The following NRXN3 variants were observed in gnomAD, a reference collection of about 807,000 sequenced individuals.
The protein encoded by NRXN3 is neurexin III.
Under a neutral mutation model 137.6 loss-of-function variants are expected in NRXN3, and 32 were observed. That is an observed-to-expected ratio of 0.23 (90% CI 0.18 to 0.31). The LOEUF (loss-of-function observed/expected upper bound fraction) is 0.31. NRXN3 is among the 10% of genes least tolerant of loss of function. The probability of loss-of-function intolerance (pLI) is 1.00; values close to 1 mark genes in which losing one functional copy is unlikely to be tolerated. For missense variants in NRXN3, 1,574 were observed against 2,062.5 expected (o/e 0.76, Z 4.59); for synonymous variants, 798 against 784.5 (o/e 1.02, Z -0.29).
chr14:79,000,516 A>G (rs899252735), intron 15 of NRXN3, among the ~76,000 whole-genome samples: 2 of 152,100 alleles, frequency 1.3e-5, no homozygotes, highest in African/African-American at 4.8e-5. Context: ...TAAATTCTCG[A>G]TATTTGGGGT....
In NRXN3 at chr14:79,864,616, AT is replaced by A. The variant is rs1168120567; in HGVS notation, c.*2658del. 1.3e-5 allele frequency: 2 copies of A among 152,210 alleles called. No homozygotes were observed. The highest frequency in any genetic ancestry group is 6.5e-5 in the Admixed American group (1 of 15,280). 9.4% of individuals were successfully genotyped at this position (152,210 alleles called of 1,614,324 possible). On this transcript the variant is annotated 3_prime_UTR_variant, in exon 21 of 21. Transcript: ENST00000335750. ...ATAATTATCTGTTACTTGAGGCATT[AT>A]TTTTTAGATTGCTATGATAGAATAA... is the stretch of plus-strand genomic sequence containing the variant.
chr14:78,338,323 G>A (rs1428165950), intron 4 of NRXN3, among the ~76,000 whole-genome samples: 1 of 152,220 alleles, frequency 6.6e-6, no homozygotes, highest in Non-Finnish European at 1.5e-5. Flanking sequence ...AGTAACTAAT[G>A]TGATGGACAG....
chr14:79,035,014 T>C (rs1239418833), intron 15 of NRXN3, among the ~76,000 whole-genome samples: 1 of 152,164 alleles, frequency 6.6e-6, no homozygotes, highest in African/African-American at 2.4e-5. Flanking sequence ...TTAAGAATTT[T>C]ACCTCAGACT....
At chr14:78,984,255 G>C (rs1485777845) in intron 14 of NRXN3, among the ~76,000 whole-genome samples, 1 of 152,132 alleles carries the variant, frequency 6.6e-6, no homozygotes, top group Non-Finnish European at 1.5e-5. Context: ...AGTATGTGAG[G>C]TGATTGATTT....
intron 15 of NRXN3, among the ~76,000 whole-genome samples, chr14:79,197,779 T>C (rs2065338234): frequency 6.6e-6 from 1 of 152,182 alleles, no homozygotes; most frequent in South Asian, 2.1e-4. Flanking sequence ...CGCAAGGAAT[T>C]TGAGTCTTCC....
intron 16 of NRXN3, among the ~76,000 whole-genome samples, chr14:79,551,285 A>G (rs2097370310): frequency 6.6e-6 from 1 of 152,160 alleles, no homozygotes; most frequent in Admixed American, 6.5e-5. Flanking sequence ...AGAACTGGAA[A>G]CATCTTTGAA....
At chr14:78,909,544 G>C (rs2099230394) in intron 10 of NRXN3, among the ~76,000 whole-genome samples, 1 of 152,104 alleles carries the variant, frequency 6.6e-6, no homozygotes, top group Admixed American at 6.6e-5. Context: ...TTATGTGAGA[G>C]TTTTGGTGGC....
chr14:78,897,132 G>A (rs955724255), intron 10 of NRXN3, among the ~76,000 whole-genome samples: 6 of 151,844 alleles, frequency 4.0e-5, no homozygotes, highest in Admixed American at 2.0e-4. Flanking sequence ...TTTGATATAT[G>A]ACTTTTTACA....
intron 4 of NRXN3, among the ~76,000 whole-genome samples, chr14:78,436,775 G>A (rs1183857263): frequency 2.0e-5 from 3 of 152,174 alleles, no homozygotes; most frequent in Non-Finnish European, 4.4e-5. Context: ...TTCAAATTGG[G>A]GAGTGTCAAG....
chr14:78,580,205 G>A (rs989619666), intron 4 of NRXN3, among the ~76,000 whole-genome samples: 2 of 152,126 alleles, frequency 1.3e-5, no homozygotes, highest in Non-Finnish European at 2.9e-5. Flanking sequence ...TGGTACTACT[G>A]ATGAATATTA....
intron 19 of NRXN3, among the ~76,000 whole-genome samples, chr14:79,764,585 G>A (rs1285591961): frequency 2.0e-5 from 3 of 152,098 alleles, no homozygotes; most frequent in Admixed American, 6.6e-5. Flanking sequence ...CTAATAAACC[G>A]TGCTGTTTTC....
At chr14:78,360,818 T>G (rs147998881) in intron 4 of NRXN3, among the ~76,000 whole-genome samples, 29 of 152,356 alleles carry the variant, frequency 1.9e-4, no homozygotes, top group African/African-American at 6.5e-4. Flanking sequence ...TTTCTATTTT[T>G]GGCAGCTCTC....
Position 78,186,558 on chromosome 14 carries a change from T to C in NRXN3, c.-704+15884T>C, listed in dbSNP as rs1030880355. Among the ~76,000 whole-genome samples the C allele has an allele frequency of 5.3e-5, 8 of 152,248 alleles. No individual in the cohort carries two copies. The South Asian group carries it at 6.2e-4, about 12-fold the overall frequency. On this transcript the variant is annotated intron_variant, in intron 1 of 20. Coordinates refer to ENST00000335750, the MANE Select transcript of NRXN3 (RefSeq NM_001330195.2). ...TATTTAGTGGGCCCTCACTGGGTGG[T>C]TATGCGCTCTGGACTATGTTTGGAG...
At chr14:79,532,614 C>T (rs1024114384) in intron 16 of NRXN3, among the ~76,000 whole-genome samples, 9 of 152,126 alleles carry the variant, frequency 5.9e-5, no homozygotes, top group Non-Finnish European at 8.8e-5. Flanking sequence ...ATATCATTTT[C>T]GATGTGTTCC....
chr14:79,163,922 G>A (rs540187738), intron 15 of NRXN3, among the ~76,000 whole-genome samples: 16 of 151,728 alleles, frequency 1.1e-4, no homozygotes, highest in African/African-American at 3.1e-4. Flanking sequence ...TTTCTTCCTC[G>A]TCTGTTTTTG....
intron 15 of NRXN3, among the ~76,000 whole-genome samples, chr14:79,082,747 A>G (rs1374574856): frequency 6.6e-6 from 1 of 152,178 alleles, no homozygotes; most frequent in African/African-American, 2.4e-5. Flanking sequence ...TTTCTAATGT[A>G]GGGACATCCA....
At chr14:79,050,943 A>G (rs2099640945) in intron 15 of NRXN3, among the ~76,000 whole-genome samples, 1 of 152,244 alleles carries the variant, frequency 6.6e-6, no homozygotes, top group African/African-American at 2.4e-5. Flanking sequence ...GCTTACAGTA[A>G]TAGAATGAAC....
In NRXN3 at chr14:79,299,186, G is replaced by A. The variant is rs374173071; in HGVS notation, c.3263-168035G>A. 7.2e-5 allele frequency among the ~76,000 whole-genome samples: 11 copies of A among 152,190 alleles called. No homozygotes were observed. The South Asian group carries it at 2.1e-3, about 29-fold the overall frequency. On this transcript the variant is annotated intron_variant, in intron 15 of 20. Transcript: ENST00000335750. ...CAGTTTTACATTTTGAAAAGATACA[G>A]CACCATCCTATAAGATTTAAGCATC...
chr14:79,280,006 G>A, intron 15 of NRXN3: 3 of 1,201,082 alleles, frequency 2.5e-6, no homozygotes, highest in Non-Finnish European at 2.1e-6. Context: ...TGCGTGGCAT[G>A]CCGGGGCTCC....
Sources: gnomAD v4.1 joint callset for allele counts (sites outside exome capture counted in the v4.1 genomes callset) on GRCh38, gnomAD v4.1.1 for gene constraint, MANE v1.5 for transcripts, NCBI Gene and HGNC (gene_info 2026-07-23, HGNC 2026-07-21) for gene names.